The following SEPTIN9 variants were observed in gnomAD, a reference collection of about 807,000 sequenced individuals.
SEPTIN9 encodes the protein septin-9.
Under a neutral mutation model 56.6 loss-of-function variants are expected in SEPTIN9, and 13 were observed. That is an observed-to-expected ratio of 0.23 (90% CI 0.15 to 0.37). SEPTIN9 has a LOEUF of 0.37. Among genes scored for constraint, SEPTIN9 ranks in the 10% least tolerant of loss-of-function variants. The pLI is 1.00. For missense variants in SEPTIN9, 650 were observed against 823.1 expected, an observed-to-expected ratio of 0.79 and a Z score of 2.57; for synonymous variants, 332 against 334.1, an observed-to-expected ratio of 0.99 and a Z score of 0.07.
chr17:77,498,512 C>T lies in SEPTIN9; in HGVS notation c.1626-11C>T. On this transcript the variant is annotated splice_polypyrimidine_tract_variant and intron_variant, in intron 11 of 11. Coordinates refer to ENST00000427177, the MANE Select transcript of SEPTIN9 (RefSeq NM_001113491.2). ...CCACCTCACTGACCCGCCCGCCCCC[C>T]ACCCCCACAGGACGCACATGCAGAA... is the stretch of plus-strand genomic sequence containing the variant. The T allele has an allele frequency of 1.8e-6, 1 of 542,400 alleles. No individual in the cohort carries two copies. 33.6% of individuals were successfully genotyped at this position (542,400 alleles called of 1,614,324 possible).
intron 4 of SEPTIN9, among the ~76,000 whole-genome samples, chr17:77,485,979 T>A (rs78108072): frequency 0.011 from 1,655 of 151,992 alleles, 13 homozygotes; most frequent in South Asian, 0.036. Flanking sequence ...CATACCTGGC[T>A]AATTTTTGTG....
rs1391415676 is a variant in SEPTIN9 at position 77,492,376 on chromosome 17, C to T, written c.1381-245C>T. On this transcript the variant is annotated intron_variant, in intron 8 of 11. Coordinates refer to ENST00000427177, the MANE Select transcript of SEPTIN9 (RefSeq NM_001113491.2). The surrounding 1 kb of genome is among the most constrained non-coding windows in gnomAD (Gnocchi z 5.4). The stretch of plus-strand genomic sequence containing the variant: ...CAGGAGAAGAGAGGTGGGAGGTGCT[C>T]AGGACGATGACCTTAAGCCCCTGGG... Among the ~76,000 whole-genome samples the T allele has an allele frequency of 6.6e-6, 1 of 152,084 alleles. No individual in the cohort carries two copies. The highest frequency in any genetic ancestry group is 2.4e-5 in the African/African-American group (1 of 41,400).
Position 77,498,664 on chromosome 17 carries a change from A to G in SEPTIN9, c.*6A>G, listed in dbSNP as rs1059485. 0.47 allele frequency: 747,629 copies of G among 1,579,470 alleles called. 185,429 individuals carry two copies. The highest frequency in any genetic ancestry group is 0.89 in the East Asian group (39,025 of 43,688). ...CAGAAGCCCCGGAGATGTAGACGCC[A>G]CCCTGCCCACCCCCGGGATCCTGCC... On this transcript the variant is annotated 3_prime_UTR_variant, in exon 12 of 12. Coordinates refer to ENST00000427177, the MANE Select transcript of SEPTIN9 (RefSeq NM_001113491.2).
intron 2 of SEPTIN9, among the ~76,000 whole-genome samples, chr17:77,363,656 G>C (rs1469229461): frequency 1.3e-5 from 2 of 152,072 alleles, no homozygotes; most frequent in African/African-American, 2.4e-5. Flanking sequence ...CCAAAGTGCT[G>C]GGATTACAGG....
intron 3 of SEPTIN9, among the ~76,000 whole-genome samples, chr17:77,415,671 C>T (rs1035674476): frequency 1.3e-5 from 2 of 151,872 alleles, no homozygotes; most frequent in Non-Finnish European, 2.9e-5. Context: ...TCCAGTGCTG[C>T]CCTGTGCCCG....
rs778079783 is a variant in SEPTIN9 at position 77,402,215 on chromosome 17, T to G, written c.233T>G (p.Val78Gly). The G allele has an allele frequency of 6.2e-7, 1 of 1,613,582 alleles. No individual in the cohort carries two copies. The change falls in exon 3 of 12, where the codon GTG becomes GGG. Residue 78 changes from valine (V) to glycine (G), a missense_variant. By Grantham distance (109) the Val-to-Gly change is moderately radical (BLOSUM62 -3). Around this residue, in one of 2 missense-constraint regions of SEPTIN9, gnomAD observed 317 missense variants for 329.1 expected, o/e 0.96. Transcript: ENST00000427177. The surrounding 1 kb of genome is among the most constrained non-coding windows in gnomAD (Gnocchi z 6.6). ...VKNSEPSARH[V>G]DSLSQRSPKA... Reference sequence around the variant, plus strand: ...AACTCAGAACCCTCGGCCCGCCATGTGGACTCCCTAAGCCAACGCTCCCCC... The same window carrying G: ...AACTCAGAACCCTCGGCCCGCCATGGGGACTCCCTAAGCCAACGCTCCCCC...
rs562349562 is a variant in SEPTIN9, at chr17:77,451,396, C to T, written c.722-30748C>T. On this transcript the variant is annotated intron_variant, in intron 3 of 11. Coordinates refer to ENST00000427177, the MANE Select transcript of SEPTIN9 (RefSeq NM_001113491.2). This position sits in a 1 kb window ranked among gnomAD's most constrained non-coding sequence, Gnocchi z 4.2. ...TCGAGGTCCCTCCCTACCTCTGCCC[C>T]GCGCTCTGGGAGGCTCCTTGTTCCG... 3 of 985,660 alleles carry T rather than the reference C, an allele frequency of 3.0e-6. No homozygotes were observed. Among genetic ancestry groups the T allele is most frequent in the East Asian group, 1.1e-4 (1 of 8,826 alleles). 61.1% of individuals were successfully genotyped at this position (985,660 alleles called of 1,614,324 possible).
At chr17:77,477,193 C>G (rs535128742) in intron 3 of SEPTIN9, among the ~76,000 whole-genome samples, 2 of 151,908 alleles carry the variant, frequency 1.3e-5, no homozygotes, top group Admixed American at 6.6e-5. Context: ...CACCATCCGC[C>G]GATTCAGAAA....
At chr17:77,491,387 G>A (rs1419888007) in intron 8 of SEPTIN9, among the ~76,000 whole-genome samples, 3 of 151,936 alleles carry the variant, frequency 2.0e-5, no homozygotes, top group African/African-American at 7.2e-5. Flanking sequence ...TAGTAGAGAC[G>A]AGGTTTTGCC....
intron 2 of SEPTIN9, among the ~76,000 whole-genome samples, chr17:77,349,603 T>C (rs1026151765): frequency 5.3e-5 from 8 of 152,186 alleles, no homozygotes; most frequent in African/African-American, 1.9e-4. Context: ...TTTTAAGACT[T>C]TTTATCCAAG....
chr17:77,334,516 T>C (rs1406853855), intron 2 of SEPTIN9, among the ~76,000 whole-genome samples: 4 of 152,030 alleles, frequency 2.6e-5, no homozygotes, highest in Admixed American at 6.6e-5. Flanking sequence ...AGTTTTTTTT[T>C]CCACATTGCT....
chr17:77,325,283 T>G (rs1598195943), intron 2 of SEPTIN9, among the ~76,000 whole-genome samples: 1 of 152,134 alleles, frequency 6.6e-6, no homozygotes, highest in East Asian at 1.9e-4. Context: ...AGCTCTTGAG[T>G]TTAGGTCTTT....
rs150206159 is a variant in SEPTIN9, at chr17:77,431,454, G to C, written c.721+28751G>C. ...TCCTCCAGACAAACACTGTTAACAT[G>C]TTCACGTTTCCTTCTAGTCTTTTTC... On this transcript the variant is annotated intron_variant, in intron 3 of 11. Coordinates refer to ENST00000427177, the MANE Select transcript of SEPTIN9 (RefSeq NM_001113491.2). Among the ~76,000 whole-genome samples, 42 of 152,326 alleles carry C rather than the reference G, an allele frequency of 2.8e-4. No individual in the cohort carries two copies. In the East Asian group the frequency reaches 7.7e-3, roughly 28 times the overall value.
intron 2 of SEPTIN9, chr17:77,376,248 G>T (rs1261039221): frequency 1.8e-5 from 18 of 986,070 alleles, no homozygotes; most frequent in Non-Finnish European, 2.0e-5. Context: ...GATCATATGG[G>T]CCAGGCTGCG....
chr17:77,432,644 G>A (rs1209845064), intron 3 of SEPTIN9, among the ~76,000 whole-genome samples: 1 of 152,264 alleles, frequency 6.6e-6, no homozygotes, highest in Non-Finnish European at 1.5e-5. Context: ...GAAGGATGGA[G>A]TGGGGTTTTT....
chr17:77,320,236 T>C, intron 2 of SEPTIN9: 6 of 1,609,344 alleles, frequency 3.7e-6, no homozygotes, highest in Non-Finnish European at 5.1e-6. Flanking sequence ...AGGAGGAGGC[T>C]GAGAGAGGGA....
At chr17:77,417,035 T>C (rs2144189819) in intron 3 of SEPTIN9, among the ~76,000 whole-genome samples, 1 of 152,220 alleles carries the variant, frequency 6.6e-6, no homozygotes, top group East Asian at 1.9e-4. Flanking sequence ...TGGGATTTGG[T>C]ACCAGACTAT....
chr17:77,498,540 T>C lies in SEPTIN9; in HGVS notation c.1643T>C (p.Ile548Thr). ...DLLIRTHMQN[I>T]KDITSSIHFE... Reference sequence around the variant, plus strand: ...CCCCACAGGACGCACATGCAGAACATCAAGGACATCACCAGCAGCATCCAC... The same window carrying C: ...CCCCACAGGACGCACATGCAGAACACCAAGGACATCACCAGCAGCATCCAC... The change falls in exon 12 of 12, where the codon ATC becomes ACC. Residue 548 changes from isoleucine to threonine, a missense_variant. Around this residue, in one of 2 missense-constraint regions of SEPTIN9, gnomAD observed 333 missense variants for 494.0 expected, o/e 0.67. Coordinates refer to ENST00000427177, the MANE Select transcript of SEPTIN9 (RefSeq NM_001113491.2). 8.2e-7 allele frequency: 1 copy of C among 1,215,842 alleles called. No individual in the cohort carries two copies. The highest frequency in any genetic ancestry group is 1.1e-6 in the Non-Finnish European group (1 of 893,716). The allele number at this position is 1,215,842 out of a possible 1,614,324, so 75.3% of individuals were successfully genotyped here.
chr17:77,457,749 C>T (rs1389077417), intron 3 of SEPTIN9, among the ~76,000 whole-genome samples: 1 of 152,238 alleles, frequency 6.6e-6, no homozygotes, highest in African/African-American at 2.4e-5. Flanking sequence ...TGTGCCCGTC[C>T]CCCTGGCCAC....
Sources: gnomAD v4.1 joint callset for allele counts (sites outside exome capture counted in the v4.1 genomes callset) on GRCh38, gnomAD v4.1.1 for gene constraint, gnomAD v4.1.1 regional missense constraint, Gnocchi (gnomAD v3.1) non-coding constraint, MANE v1.5 for transcripts, NCBI Gene and HGNC (gene_info 2026-07-23, HGNC 2026-07-21) for gene names.